The following ING4 variants were observed in gnomAD, a reference collection of about 807,000 sequenced individuals.
ING4 encodes inhibitor of growth family member 4.
In ING4, 28 loss-of-function variants were observed where a neutral mutation model predicts 33.1. The observed-to-expected ratio is 0.85, with a 90% confidence interval of 0.63 to 1.16. The LOEUF is 1.16. ING4 is among the 50% of genes most tolerant of loss of function. The pLI is 0.00. For missense variants in ING4, 247 were observed against 314.7 expected, an observed-to-expected ratio of 0.78 and a Z score of 1.63; for synonymous variants, 87 against 104.4, an observed-to-expected ratio of 0.83 and a Z score of 1.02.
chr12:6,652,218 C>G, intron 6 of ING4, 53 bp downstream of exon 6: 1 of 1,586,244 alleles, frequency 6.3e-7, no homozygotes, highest in Non-Finnish European at 8.6e-7. Flanking sequence ...CTCTTGTACC[C>G]ACTCCCTTCA....
chr12:6,652,827 C>T (rs2136264589), intron 4 of ING4, 60 bp from the exon 5 acceptor site: 1 of 1,576,412 alleles, frequency 6.3e-7, no homozygotes, highest in East Asian at 2.2e-5. Context: ...GTTAAGTCCT[C>T]TTCTCTCCCC....
rs779028072 is a variant in ING4, at chr12:6,653,342, C to T, written c.164G>A (p.Ser55Asn). 6.2e-7 allele frequency: 1 copy of T among 1,614,198 alleles called. No individual in the cohort carries two copies. Among genetic ancestry groups the T allele is most frequent in the Admixed American group, 1.7e-5 (1 of 60,008 alleles). ...GGCCAATTTTTCCTCGGAGCTCAGG[C>T]TGCGGGCACTACTCATATACTCAGT... ...LATEYMSSAR[S>N]LSSEEKLALL... The change falls in exon 3 of 8, where the codon AGC (serine) becomes AAC (asparagine). Residue 55 changes from serine to asparagine, a missense_variant. Ser to Asn is a conservative substitution (Grantham distance 46, BLOSUM62 1). Transcript: ENST00000341550.
chr12:6,662,500 G>C (rs1337477303), intron 1 of ING4, among the ~76,000 whole-genome samples: 1 of 152,168 alleles, frequency 6.6e-6, no homozygotes, highest in African/African-American at 2.4e-5. Flanking sequence ...TAAAACAAAT[G>C]TAAGCGCACA....
chr12:6,653,782 T>G (rs1949260690), intron 2 of ING4, among the ~76,000 whole-genome samples: 1 of 152,230 alleles, frequency 6.6e-6, no homozygotes, highest in Non-Finnish European at 1.5e-5. Flanking sequence ...CCCACAGCAG[T>G]TGTCTGCCGC....
chr12:6,660,774 A>T (rs1428784065), intron 1 of ING4, among the ~76,000 whole-genome samples: 1 of 152,226 alleles, frequency 6.6e-6, no homozygotes, highest in Non-Finnish European at 1.5e-5. Flanking sequence ...CCTAAAAAAT[A>T]TCTCTGCAGC....
chr12:6,652,468 A>G, intron 5 of ING4, 50 bp from the exon 6 acceptor site: 1 of 1,595,008 alleles, frequency 6.3e-7, no homozygotes, highest in Non-Finnish European at 8.6e-7. Context: ...GGGAAGCTAA[A>G]GCCTGAGGCT....
chr12:6,653,194 T>C (rs1001254100), intron 3 of ING4, 36 bp downstream of exon 3: 1 of 1,611,604 alleles, frequency 6.2e-7, no homozygotes, highest in Non-Finnish European at 8.5e-7. Flanking sequence ...GAGGATTAGA[T>C]GGGAAGTAGG....
At chr12:6,660,950 G>A (rs910581407) in intron 1 of ING4, among the ~76,000 whole-genome samples, 11 of 152,054 alleles carry the variant, frequency 7.2e-5, no homozygotes, top group Middle Eastern at 3.4e-3. Flanking sequence ...CTGCCACCAC[G>A]CCCAGCTAAT....
chr12:6,653,904 C>G (rs1252777473), intron 2 of ING4, among the ~76,000 whole-genome samples: 2 of 152,144 alleles, frequency 1.3e-5, no homozygotes, highest in African/African-American at 4.8e-5. Flanking sequence ...ACTTTGTCGC[C>G]CAGGCTGGAG....
chr12:6,660,742 C>T (rs1949521088), intron 1 of ING4, among the ~76,000 whole-genome samples: 1 of 152,244 alleles, frequency 6.6e-6, no homozygotes, highest in Non-Finnish European at 1.5e-5. Flanking sequence ...TTTACCAAAT[C>T]TAATGGTGTT....
chr12:6,655,582 C>A, intron 2 of ING4: 1 of 1,097,698 alleles, frequency 9.1e-7, no homozygotes, highest in East Asian at 8.0e-5. Flanking sequence ...ACTGTCTTTC[C>A]ATGCATGAAC....
At chr12:6,662,123 A>G (rs945517607) in intron 1 of ING4, among the ~76,000 whole-genome samples, 1 of 152,116 alleles carries the variant, frequency 6.6e-6, no homozygotes, top group African/African-American at 2.4e-5. Context: ...CCTTGCCACA[A>G]ACCCATCACA....
rs1034155363 is a variant in ING4, at chr12:6,651,007, C to T, written c.*188G>A. On this transcript the variant is annotated 3_prime_UTR_variant, in exon 8 of 8. Coordinates refer to ENST00000341550, the MANE Select transcript of ING4 (RefSeq NM_016162.4). ...GGAGAGCACATACCGTTAGTGGCTG[C>T]GGCACCCCTCCCTACCAGGGTCTGA... 3.0e-5 allele frequency: 20 copies of T among 656,996 alleles called. No homozygotes were observed. The highest frequency in any genetic ancestry group is 5.1e-5 in the Non-Finnish European group (19 of 371,314). 40.7% of individuals were successfully genotyped at this position (656,996 alleles called of 1,614,324 possible). A position where few individuals can be genotyped will look rare whatever the true frequency, so the allele number is the denominator to read the frequency against.
At chr12:6,660,496 T>G (rs1429427129) in intron 1 of ING4, among the ~76,000 whole-genome samples, 1 of 151,868 alleles carries the variant, frequency 6.6e-6, no homozygotes, top group African/African-American at 2.4e-5. Flanking sequence ...TAATCCTAGC[T>G]ACTCAAGAGG....
At chr12:6,651,469 C>T in intron 6 of ING4, 84 bp from the exon 7 acceptor site, 1 of 1,152,682 alleles carries the variant, frequency 8.7e-7, no homozygotes, top group Non-Finnish European at 1.3e-6. Context: ...TTAGGAACAT[C>T]CTGTCCTTTA....
At chr12:6,656,985 C>G (rs1949375283) in intron 1 of ING4, among the ~76,000 whole-genome samples, 187 bp from the exon 2 acceptor site, 1 of 151,960 alleles carries the variant, frequency 6.6e-6, no homozygotes, top group Admixed American at 6.6e-5. Flanking sequence ...AGACCTCCAT[C>G]TCTATTAAAA....
At chr12:6,662,589 T>C (rs1949589625) in intron 1 of ING4, among the ~76,000 whole-genome samples, 1 of 152,204 alleles carries the variant, frequency 6.6e-6, no homozygotes, top group Non-Finnish European at 1.5e-5. Flanking sequence ...ATTAGATCTT[T>C]ACTCCATGAA....
chr12:6,653,322 A>G lies in ING4; in HGVS notation c.184T>C (p.Leu62=). ...TCCTGGATCTGTTTGAGAAGGGCCA[A>G]TTTTTCCTCGGAGCTCAGGCTGCGG... is the stretch of plus-strand genomic sequence containing the variant. ...SARSLSSEEK[L]ALLKQIQEAY... is the part of the protein sequence containing the mutation. The change falls in exon 3 of 8, where the codon TTG becomes CTG. Residue 62 remains leucine, a synonymous_variant. Coordinates refer to ENST00000341550, the MANE Select transcript of ING4 (RefSeq NM_016162.4). 1.3e-5 allele frequency: 21 copies of G among 1,614,088 alleles called. No homozygotes were observed. Among genetic ancestry groups the G allele is most frequent in the Non-Finnish European group, 1.8e-5 (21 of 1,180,032 alleles).
At chr12:6,657,244 T>C (rs1044760498) in intron 1 of ING4, among the ~76,000 whole-genome samples, 1 of 151,908 alleles carries the variant, frequency 6.6e-6, no homozygotes, top group African/African-American at 2.4e-5. Context: ...GGTCAGGAGA[T>C]TGAGACCATC....
Sources: allele counts gnomAD v4.1 joint callset (sites outside exome capture counted in the v4.1 genomes callset), GRCh38; gene constraint gnomAD v4.1.1; transcripts MANE v1.5; gene names NCBI Gene and HGNC (gene_info 2026-07-23, HGNC 2026-07-21).